The following UBA5 variants were observed in gnomAD, a reference collection of about 807,000 sequenced individuals.
The protein encoded by UBA5 is ubiquitin like modifier activating enzyme 5.
In UBA5, 28 loss-of-function variants were observed where a neutral mutation model predicts 52.9. The ratio of observed to expected loss-of-function variants is 0.53; its 90% confidence interval spans 0.39 to 0.73. The LOEUF is 0.73. Among genes scored for constraint, UBA5 ranks in the 30% least tolerant of loss-of-function variants. The pLI, the probability that UBA5 is intolerant of heterozygous loss-of-function variation, is 0.00. For synonymous variants in UBA5, 135 were observed against 162.1 expected (o/e 0.83, Z 1.27); for missense variants, 388 against 492.7 (o/e 0.79, Z 2.01).
chr3:132,658,929 A>G (rs1454824118), upstream of UBA5, among the ~76,000 whole-genome samples: 1 of 152,244 alleles, frequency 6.6e-6, no homozygotes, highest in Non-Finnish European at 1.5e-5. Context: ...ACTCCCAGAC[A>G]GCAAGTGACA....
chr3:132,655,725 T>C (rs1271563051), upstream of UBA5, among the ~76,000 whole-genome samples: 1 of 152,218 alleles, frequency 6.6e-6, no homozygotes. Context: ...GTCTGTCTTC[T>C]ACAAATACAA....
At position 132,668,924 on chromosome 3, in the gene UBA5, T is replaced by C; in HGVS notation, c.404T>C (p.Leu135Pro). ...AAAGTTCAAGCAGCAGAACATACTC[T>C]GAGGTAAATGGAATAGCAATCAAGT... Reference protein sequence around the residue: ...LSKVQAAEHTLRNINPDVLFE... With the variant: ...LSKVQAAEHTPRNINPDVLFE... The change falls in exon 4 of 12, where the codon CTG (leucine) becomes CCG (proline). Residue 135 changes from leucine to proline, a missense_variant. Physicochemically the swap from Leu to Pro is moderately conservative, Grantham distance 98. Coordinates refer to ENST00000356232, the MANE Select transcript of UBA5 (RefSeq NM_024818.6). 6.3e-7 allele frequency: 1 copy of C among 1,584,532 alleles called. No individual in the cohort carries two copies. The highest frequency in any genetic ancestry group is 2.2e-5 in the East Asian group (1 of 44,476).
Position 132,660,461 on chromosome 3 carries a change from G to C in UBA5, c.-77G>C. ...AGGTGCCTCCCCACGTACCCCTCGC[G>C]GGCCCAGCCGAGCAACGTGGGGCGA... On this transcript the variant is annotated 5_prime_UTR_variant, in exon 1 of 12. Coordinates refer to ENST00000356232, the MANE Select transcript of UBA5 (RefSeq NM_024818.6). This position sits in a 1 kb window ranked among gnomAD's most constrained non-coding sequence, Gnocchi z 4.1. 2 of 1,526,178 alleles carry C rather than the reference G, an allele frequency of 1.3e-6. No individual in the cohort carries two copies. The highest frequency in any genetic ancestry group is 1.8e-6 in the Non-Finnish European group (2 of 1,138,130). 94.5% of individuals were successfully genotyped at this position (1,526,178 alleles called of 1,614,324 possible). A position where few individuals can be genotyped will look rare whatever the true frequency, so the allele number is the denominator to read the frequency against.
At chr3:132,668,545 A>C (rs1938471772) in intron 3 of UBA5, 1 of 201,914 alleles carries the variant, frequency 5.0e-6, no homozygotes, top group South Asian at 1.5e-4. Context: ...TGGATTGAGA[A>C]TGCTTGAATT....
At chr3:132,674,552 C>G (rs959271110) in intron 8 of UBA5, among the ~76,000 whole-genome samples, 2 of 152,026 alleles carry the variant, frequency 1.3e-5, no homozygotes, top group Admixed American at 6.6e-5. Context: ...ATTAGCCAAG[C>G]GTGGTGGTGC....
chr3:132,670,870 A>T, intron 5 of UBA5, 95 bp from the exon 6 acceptor site: 1 of 735,102 alleles, frequency 1.4e-6, no homozygotes, highest in South Asian at 2.0e-5. Context: ...TCAAACATTT[A>T]ATGAAAGAAT....
At position 132,676,326 on chromosome 3, in the gene UBA5, A is replaced by G; in HGVS notation, c.1132-117A>G. 1 of 753,446 alleles carries G rather than the reference A, an allele frequency of 1.3e-6. No homozygotes were observed. The highest frequency in any genetic ancestry group is 2.1e-6 in the Non-Finnish European group (1 of 465,192). The allele number at this position is 753,446 out of a possible 1,614,324, so 46.7% of individuals were successfully genotyped here. ...CTAAAAATTAGAAGATAGTTGTTAA[A>G]GAAAATTTACTTTATAACCTTGTTG... is the stretch of plus-strand genomic sequence containing the variant. On this transcript the variant is annotated intron_variant, in intron 11 of 11. Coordinates refer to ENST00000356232, the MANE Select transcript of UBA5 (RefSeq NM_024818.6). The surrounding 1 kb of genome is among the most constrained non-coding windows in gnomAD (Gnocchi z 4.1).
Position 132,679,304 on chromosome 3 carries a change from G to T in UBA5, c.*2778G>T, listed in dbSNP as rs1938957573. Among the ~76,000 whole-genome samples the T allele has an allele frequency of 6.6e-6, 1 of 151,982 alleles. No homozygotes were observed. The highest frequency in any genetic ancestry group is 1.5e-5 in the Non-Finnish European group (1 of 67,972). ...TATTGATGAATAAAAATTATAACTA[G>T]AATAAGTACTCTAACAATTCAGATT... On this transcript the variant is annotated 3_prime_UTR_variant, in exon 12 of 12. Coordinates refer to ENST00000356232, the MANE Select transcript of UBA5 (RefSeq NM_024818.6).
At chr3:132,658,723 T>C (rs1937952122), upstream of UBA5, among the ~76,000 whole-genome samples, 1 of 152,236 alleles carries the variant, frequency 6.6e-6, no homozygotes, top group Admixed American at 6.5e-5. Flanking sequence ...TCATTTATTA[T>C]TATTTTCATT....
rs1218740788 is a variant in UBA5 at position 132,665,995 on chromosome 3, C to T, written c.219C>T (p.Thr73=). 2 of 1,613,312 alleles carry T rather than the reference C, an allele frequency of 1.2e-6. No homozygotes were observed. Among genetic ancestry groups the T allele is most frequent in the African/African-American group, 2.7e-5 (2 of 74,888 alleles). The change falls in exon 3 of 12, where the codon ACC becomes ACT. Residue 73 remains threonine (T), a synonymous_variant. Transcript: ENST00000356232. Reference sequence around the variant, plus strand: ...TTTATATTTCACAGAAAATCCGTACCTTTGCCGTAGCAATAGTAGGTGTTG... The same window carrying T: ...TTTATATTTCACAGAAAATCCGTACTTTTGCCGTAGCAATAGTAGGTGTTG... ...GIVSDYEKIR[T]FAVAIVGVGG... is the part of the protein sequence containing the mutation.
intron 1 of UBA5, among the ~76,000 whole-genome samples, chr3:132,662,545 G>C (rs1481899301): frequency 6.6e-6 from 1 of 152,164 alleles, no homozygotes; most frequent in Non-Finnish European, 1.5e-5. Context: ...TTATGATAAA[G>C]TACAAAAGGT....
chr3:132,660,535 G>C lies in UBA5; in HGVS notation c.-3G>C, dbSNP rs1007446616. The C allele has an allele frequency of 5.2e-6, 8 of 1,548,396 alleles. No homozygotes were observed. The highest frequency in any genetic ancestry group is 4.9e-5 in the East Asian group (2 of 40,942). ...GGGAGCGTTGGCGGCCGGAGTCCCA[G>C]CCATGGCGGAGTCTGTGGAGCGCCT... On this transcript the variant is annotated 5_prime_UTR_variant, in exon 1 of 12. Transcript: ENST00000356232. The surrounding 1 kb of genome is among the most constrained non-coding windows in gnomAD (Gnocchi z 4.1).
At chr3:132,659,945 C>T (rs892297210), upstream of UBA5, 28 of 591,108 alleles carry the variant, frequency 4.7e-5, no homozygotes, top group Non-Finnish European at 7.1e-5. Context: ...TAGCTCTAGT[C>T]AAGTGCCAAA....
chr3:132,669,061 G>A (rs1938493780), intron 4 of UBA5, 134 bp downstream of exon 4: 1 of 607,428 alleles, frequency 1.6e-6, no homozygotes, highest in Non-Finnish European at 2.6e-6. Context: ...TCTCTTACCT[G>A]TTGGACATGG....
At position 132,660,736 on chromosome 3, in the gene UBA5, C is replaced by T; in HGVS notation, c.161+38C>T. ...GCCGGTCGGAGGCAGGCGCGGGGGA[C>T]GAGGTCAGGCTCCGTGAGGTCAGAA... On this transcript the variant is annotated intron_variant, in intron 1 of 11. Transcript: ENST00000356232. This position sits in a 1 kb window ranked among gnomAD's most constrained non-coding sequence, Gnocchi z 4.1. The T allele has an allele frequency of 1.3e-6, 2 of 1,501,088 alleles. No individual in the cohort carries two copies. The highest frequency in any genetic ancestry group is 1.8e-6 in the Non-Finnish European group (2 of 1,118,640). 93.0% of individuals were successfully genotyped at this position (1,501,088 alleles called of 1,614,324 possible). A position where few individuals can be genotyped will look rare whatever the true frequency, so the allele number is the denominator to read the frequency against.
chr3:132,676,671 C>A lies in UBA5; in HGVS notation c.*145C>A, dbSNP rs2107953014. The A allele has an allele frequency of 1.6e-6, 1 of 639,176 alleles. No homozygotes were observed. Among genetic ancestry groups the A allele is most frequent in the Non-Finnish European group, 2.7e-6 (1 of 363,900 alleles). The allele number at this position is 639,176 out of a possible 1,614,324, so 39.6% of individuals were successfully genotyped here. ...GTTATACTTTTTGAAAATCCTGTGA[C>A]TTGCCTGTTTCTCCCCGCTCCAACG... On this transcript the variant is annotated 3_prime_UTR_variant, in exon 12 of 12. Coordinates refer to ENST00000356232, the MANE Select transcript of UBA5 (RefSeq NM_024818.6). The surrounding 1 kb of genome is among the most constrained non-coding windows in gnomAD (Gnocchi z 4.1).
Position 132,660,902 on chromosome 3 carries a change from G to A in UBA5, c.161+204G>A. The stretch of plus-strand genomic sequence containing the variant: ...TCTCTTTTTTAAAAACCTCCAGTGA[G>A]TCAGCCATATGGTGCTGCTCCTGTG... On this transcript the variant is annotated intron_variant, in intron 1 of 11. Coordinates refer to ENST00000356232, the MANE Select transcript of UBA5 (RefSeq NM_024818.6). This position sits in a 1 kb window ranked among gnomAD's most constrained non-coding sequence, Gnocchi z 4.1. The A allele has an allele frequency of 6.9e-7, 1 of 1,452,374 alleles. No individual in the cohort carries two copies. Among genetic ancestry groups the A allele is most frequent in the Non-Finnish European group, 9.0e-7 (1 of 1,106,410 alleles). The allele number at this position is 1,452,374 out of a possible 1,614,324, so 90.0% of individuals were successfully genotyped here.
intron 3 of UBA5, chr3:132,667,898 G>C (rs1287356865): frequency 6.6e-6 from 1 of 152,108 alleles, no homozygotes; most frequent in Non-Finnish European, 1.5e-5. Flanking sequence ...ACTATGTTTT[G>C]GAGACTCTTA....
chr3:132,671,096 T>G (rs1268114968), intron 6 of UBA5, 47 bp downstream of exon 6: 1 of 1,490,470 alleles, frequency 6.7e-7, no homozygotes, highest in Admixed American at 1.7e-5. Flanking sequence ...TTATCTGTTT[T>G]CCTGTATATT....
Sources: allele counts gnomAD v4.1 joint callset (sites outside exome capture counted in the v4.1 genomes callset), GRCh38; gene constraint gnomAD v4.1.1; non-coding constraint Gnocchi (gnomAD v3.1); transcripts MANE v1.5; gene names NCBI Gene and HGNC (gene_info 2026-07-23, HGNC 2026-07-21).